The following INVS variants were observed in gnomAD, a reference collection of about 807,000 sequenced individuals.
INVS encodes the protein inversion of embryo turning homolog.
A neutral mutation model predicts 108.8 loss-of-function variants in INVS; 86 were observed. The ratio of observed to expected loss-of-function variants is 0.79; its 90% confidence interval spans 0.66 to 0.95. The LOEUF (loss-of-function observed/expected upper bound fraction) is 0.95, where lower values mean the gene tolerates loss of function less well. INVS is among the 40% of genes least tolerant of loss of function. The pLI, the probability that INVS is intolerant of heterozygous loss-of-function variation, is 0.00. For synonymous variants in INVS, 455 were observed against 473.5 expected (o/e 0.96, Z 0.51); for missense variants, 1,169 against 1,297.4 (o/e 0.90, Z 1.52).
chr9:100,164,657 A>G (rs576588471), intron 3 of INVS, among the ~76,000 whole-genome samples: 15 of 152,270 alleles, frequency 9.9e-5, no homozygotes, highest in African/African-American at 3.6e-4. Context: ...TTTAAAATGT[A>G]ATCATGATAG....
At chr9:100,269,363 G>A (rs1832882217) in intron 11 of INVS, among the ~76,000 whole-genome samples, 2 of 146,316 alleles carry the variant, frequency 1.4e-5, no homozygotes, top group Non-Finnish European at 3.0e-5. Flanking sequence ...TTTAGAACTT[G>A]TAGCAAAATT....
intron 3 of INVS, among the ~76,000 whole-genome samples, chr9:100,158,162 T>G (rs1221543274): frequency 1.3e-5 from 2 of 152,208 alleles, no homozygotes; most frequent in African/African-American, 4.8e-5. Context: ...AGTAGATCTA[T>G]CTTGTTTATA....
At chr9:100,185,897 A>T (rs1360433092) in intron 3 of INVS, among the ~76,000 whole-genome samples, 1 of 152,080 alleles carries the variant, frequency 6.6e-6, no homozygotes, top group Non-Finnish European at 1.5e-5. Context: ...TTTATGGCTG[A>T]GTAGTATGCC....
In INVS at chr9:100,293,246, A is replaced by G. The variant is rs564981911; in HGVS notation, c.2786+203A>G. 2.2e-3 allele frequency among the ~76,000 whole-genome samples: 336 copies of G among 152,320 alleles called. 1 individual carries two copies. Among genetic ancestry groups the G allele is most frequent in the Non-Finnish European group, 2.6e-3 (176 of 68,032 alleles). On this transcript the variant is annotated intron_variant, in intron 14 of 16. Coordinates refer to ENST00000262457, the MANE Select transcript of INVS (RefSeq NM_014425.5). ...ATTTGGAAGATGTTTTTGCCTAGAA[A>G]GATGGGAAAGTGCTCAGGACAGCAT...
chr9:100,292,231 G>A, intron 13 of INVS, 95 bp from the exon 14 acceptor site: 1 of 1,115,324 alleles, frequency 9.0e-7, no homozygotes, highest in East Asian at 2.4e-5. Context: ...TTATGGTGAT[G>A]ATATAGGCTA....
intron 5 of INVS, among the ~76,000 whole-genome samples, chr9:100,237,669 C>A (rs548517656): frequency 1.1e-3 from 161 of 152,272 alleles, no homozygotes; most frequent in African/African-American, 3.6e-3. Context: ...TTCTGCTCAC[C>A]GTCTGTGGGC....
chr9:100,142,171 T>G (rs1317830860), intron 3 of INVS, among the ~76,000 whole-genome samples: 2 of 152,110 alleles, frequency 1.3e-5, no homozygotes, highest in African/African-American at 4.8e-5. Flanking sequence ...GCGTTTTTAT[T>G]AAAGAGGGAT....
chr9:100,163,367 A>C (rs1339772559), intron 3 of INVS, among the ~76,000 whole-genome samples: 2 of 152,268 alleles, frequency 1.3e-5, no homozygotes, highest in East Asian at 3.9e-4. Context: ...CTCTGAATTC[A>C]GAATTTAAAA....
chr9:100,112,790 G>A (rs1463176120), intron 2 of INVS, among the ~76,000 whole-genome samples: 3 of 152,168 alleles, frequency 2.0e-5, no homozygotes, highest in Non-Finnish European at 4.4e-5. Flanking sequence ...GGTTGGATAA[G>A]CTCGAGTTAG....
intron 12 of INVS, among the ~76,000 whole-genome samples, chr9:100,275,911 C>T (rs71507674): frequency 0.011 from 1,648 of 152,264 alleles, 17 homozygotes; most frequent in African/African-American, 0.016. Flanking sequence ...TATAATTTAC[C>T]TGCCAAAGCA....
intron 2 of INVS, among the ~76,000 whole-genome samples, chr9:100,118,311 C>T (rs572238927): frequency 2.6e-4 from 39 of 151,890 alleles, no homozygotes; most frequent in African/African-American, 8.2e-4. Flanking sequence ...CGGGTTCAAG[C>T]GATTCTCTTG....
In INVS at chr9:100,179,687, A is replaced by C. The variant is rs144968471; in HGVS notation, c.274-46375A>C. On this transcript the variant is annotated intron_variant, in intron 3 of 16. Coordinates refer to ENST00000262457, the MANE Select transcript of INVS (RefSeq NM_014425.5). ...AAAGAGACTTAGGCTCCCACACAATAATAATAGGAGACTTGAACACCCCAC... is the reference window on the plus strand; with the variant it reads ...AAAGAGACTTAGGCTCCCACACAATCATAATAGGAGACTTGAACACCCCAC... Among the ~76,000 whole-genome samples the C allele has an allele frequency of 1.9e-3, 295 of 152,212 alleles. 1 individual carries two copies. Among genetic ancestry groups the C allele is most frequent in the African/African-American group, 6.6e-3 (274 of 41,544 alleles).
intron 3 of INVS, among the ~76,000 whole-genome samples, chr9:100,156,482 C>G (rs1282005275): frequency 6.6e-6 from 1 of 151,894 alleles, no homozygotes; most frequent in Admixed American, 6.6e-5. Flanking sequence ...AAAGTGGTCT[C>G]TAATTCCTGA....
intron 1 of INVS, among the ~76,000 whole-genome samples, chr9:100,103,359 G>C (rs1341645955): frequency 6.6e-6 from 1 of 151,702 alleles, no homozygotes; most frequent in African/African-American, 2.4e-5. Context: ...GGGCATGGTG[G>C]CTTATGCCTG....
intron 3 of INVS, among the ~76,000 whole-genome samples, chr9:100,160,259 C>T (rs1018530254): frequency 4.6e-5 from 7 of 152,142 alleles, no homozygotes; most frequent in South Asian, 4.1e-4. Flanking sequence ...CACAGTCAGC[C>T]GCTGAGACAG....
intron 3 of INVS, among the ~76,000 whole-genome samples, chr9:100,163,271 C>T (rs145485450): frequency 2.2e-4 from 33 of 149,658 alleles, no homozygotes; most frequent in Middle Eastern, 7.0e-3. Context: ...CTTAGCTGTT[C>T]CAGTAACAAA....
Position 100,292,524 on chromosome 9 carries a change from AAGGAG to A in INVS, c.2272_2276del (p.Glu758LeufsTer13). ...ATCAGGGTGGCTGGGCCTGATGAGA[AAGGAG>A]AGGACTCCAGGCGGGCAGCTGCAAG... On this transcript the variant is annotated frameshift_variant, in exon 14 of 17. Coordinates refer to ENST00000262457, the MANE Select transcript of INVS (RefSeq NM_014425.5). LOFTEE classifies it high-confidence loss of function. 6.2e-7 allele frequency: 1 copy of A among 1,614,176 alleles called. No homozygotes were observed. Among genetic ancestry groups the A allele is most frequent in the Non-Finnish European group, 8.5e-7 (1 of 1,180,024 alleles).
chr9:100,284,913 C>T (rs1315116380), intron 13 of INVS, among the ~76,000 whole-genome samples: 4 of 152,008 alleles, frequency 2.6e-5, no homozygotes, highest in Admixed American at 6.5e-5. Context: ...CGTTTCATTG[C>T]TTAGGTATCG....
chr9:100,239,871 C>G (rs973972303), intron 5 of INVS, among the ~76,000 whole-genome samples, 189 bp from the exon 6 acceptor site: 4 of 152,104 alleles, frequency 2.6e-5, no homozygotes, highest in Non-Finnish European at 5.9e-5. Context: ...ACTTGGGAAG[C>G]TGAGGCAGGA....
Sources: allele counts gnomAD v4.1 joint callset (sites outside exome capture counted in the v4.1 genomes callset), GRCh38; gene constraint gnomAD v4.1.1; transcripts MANE v1.5; gene names NCBI Gene and HGNC (gene_info 2026-07-23, HGNC 2026-07-21).